The following TMEM232 variants were observed in gnomAD, a reference collection of about 807,000 sequenced individuals.
TMEM232 encodes transmembrane protein 232.
A neutral mutation model predicts 78.8 loss-of-function variants in TMEM232; 80 were observed. That is an observed-to-expected ratio of 1.01 (90% CI 0.85 to 1.22). The LOEUF is 1.22. TMEM232 is among the 50% of genes most tolerant of loss of function. The probability of loss-of-function intolerance (pLI) is 0.00; values close to 1 mark genes in which losing one functional copy is unlikely to be tolerated. For missense variants in TMEM232, 881 were observed against 742.2 expected (o/e 1.19, Z -2.17); for synonymous variants, 297 against 254.3 (o/e 1.17, Z -1.60).
At chr5:110,524,406 AG>A (rs1417482380) in intron 12 of TMEM232, among the ~76,000 whole-genome samples, 1 of 64,832 alleles carries the variant, frequency 1.5e-5, no homozygotes, top group African/African-American at 6.7e-5. Flanking sequence ...AAAGAAAGAA[AG>A]AAAGAAAGAA....
chr5:110,466,865 C>T (rs908640158), intron 12 of TMEM232, among the ~76,000 whole-genome samples: 1 of 151,342 alleles, frequency 6.6e-6, no homozygotes, highest in Non-Finnish European at 1.5e-5. Context: ...CCTGGCCAAG[C>T]ACAATACCTT....
chr5:110,732,249 T>C lies in TMEM232; in HGVS notation c.-13+2654A>G, dbSNP rs543973218. On this transcript the variant is annotated intron_variant, in intron 2 of 4. Transcript: ENST00000512886. The stretch of plus-strand genomic sequence containing the variant: ...CAAGTCTCTAAGAGGTTCCAAACTT[T>C]CCCATATTTTCCTGTCTTCTTCTGA... Among the ~76,000 whole-genome samples the C allele has an allele frequency of 2.6e-5, 4 of 152,318 alleles. No individual in the cohort carries two copies. In the East Asian group the frequency reaches 7.7e-4, roughly 29 times the overall value.
intron 2 of TMEM232, among the ~76,000 whole-genome samples, chr5:110,733,250 G>A (rs1208546239): frequency 6.6e-6 from 1 of 152,188 alleles, no homozygotes; most frequent in African/African-American, 2.4e-5. Context: ...GGGTGGGAGT[G>A]TAAATTAGTT....
intron 2 of TMEM232, among the ~76,000 whole-genome samples, chr5:110,400,753 A>G (rs6877527): frequency 0.28 from 42,850 of 151,924 alleles, 10,860 homozygotes; most frequent in African/African-American, 0.67. Flanking sequence ...TCAAGAATAA[A>G]CAGCTTCTAC....
chr5:110,392,859 A>T (rs1352704206), intron 3 of TMEM232, among the ~76,000 whole-genome samples: 1 of 152,150 alleles, frequency 6.6e-6, no homozygotes, highest in Non-Finnish European at 1.5e-5. Flanking sequence ...CTCTATTTGT[A>T]TGTCTATATC....
Position 110,578,611 on chromosome 5 carries a change from T to C in TMEM232, c.1277-9986A>G, listed in dbSNP as rs77688819. On this transcript the variant is annotated intron_variant, in intron 10 of 13. Coordinates refer to ENST00000455884, the MANE Select transcript of TMEM232 (RefSeq NM_001039763.4). ...TGTTATTTCTCCTCCTCTTCTTACC[T>C]AAATATTTCCTACTTCATCCCATTT... Among the ~76,000 whole-genome samples the C allele has an allele frequency of 2.6e-3, 402 of 152,054 alleles. 2 individuals are homozygous for C. The highest frequency in any genetic ancestry group is 4.3e-3 in the Non-Finnish European group (289 of 67,898).
chr5:110,483,507 C>A (rs1292798781), intron 12 of TMEM232, among the ~76,000 whole-genome samples: 2 of 151,854 alleles, frequency 1.3e-5, no homozygotes, highest in Non-Finnish European at 2.9e-5. Flanking sequence ...GGACAAAAAA[C>A]CAAACACCGC....
At chr5:110,714,435 G>C (rs886823706) in intron 1 of TMEM232, among the ~76,000 whole-genome samples, 8 of 152,104 alleles carry the variant, frequency 5.3e-5, no homozygotes, top group African/African-American at 1.7e-4. Context: ...CTGTGTAATA[G>C]AACTGTGCCT....
At chr5:110,655,791 T>G (rs998257382) in intron 2 of TMEM232, among the ~76,000 whole-genome samples, 3 of 150,758 alleles carry the variant, frequency 2.0e-5, no homozygotes, top group African/African-American at 7.3e-5. Context: ...TCATTCTCAG[T>G]AAACTATCGC....
intron 1 of TMEM232, among the ~76,000 whole-genome samples, chr5:110,701,529 C>T (rs568876491): frequency 1.3e-5 from 2 of 152,028 alleles, no homozygotes; most frequent in East Asian, 1.9e-4. Flanking sequence ...GATTCCCCAT[C>T]ATCCAGCAGT....
In TMEM232 at chr5:110,533,472, T is replaced by C. The variant is rs191201949; in HGVS notation, c.1456-4637A>G. 7.7e-3 allele frequency among the ~76,000 whole-genome samples: 1,171 copies of C among 152,312 alleles called. 11 individuals carry two copies. Among genetic ancestry groups the C allele is most frequent in the African/African-American group, 0.027 (1,116 of 41,570 alleles). On this transcript the variant is annotated intron_variant, in intron 11 of 13. Coordinates refer to ENST00000455884, the MANE Select transcript of TMEM232 (RefSeq NM_001039763.4). ...ACTTACTGTTTTAGCCTAGCCCTCA[T>C]GTCTGTGTGCAGCAGCTGCCGCTGC...
chr5:110,721,845 G>C (rs1424700636), intron 1 of TMEM232, among the ~76,000 whole-genome samples: 1 of 151,240 alleles, frequency 6.6e-6, no homozygotes, highest in Non-Finnish European at 1.5e-5. Context: ...CAGAATCCCA[G>C]GGTGGCTTAG....
In TMEM232 at chr5:110,598,101, C is replaced by T. The variant is rs578031548; in HGVS notation, c.1276+7008G>A. On this transcript the variant is annotated intron_variant, in intron 10 of 13. Coordinates refer to ENST00000455884, the MANE Select transcript of TMEM232 (RefSeq NM_001039763.4). ...AACCTACAAAATGGGAGAAAATTTTCGCAACCTACTCATCTGACAAAGGGC... is the reference window on the plus strand; with the variant it reads ...AACCTACAAAATGGGAGAAAATTTTTGCAACCTACTCATCTGACAAAGGGC... Among the ~76,000 whole-genome samples the T allele has an allele frequency of 3.1e-3, 477 of 152,134 alleles. 3 individuals are homozygous for T. Among genetic ancestry groups the T allele is most frequent in the African/African-American group, 0.011 (448 of 41,504 alleles).
chr5:110,716,326 T>C (rs1191685225), intron 1 of TMEM232, among the ~76,000 whole-genome samples: 2 of 152,122 alleles, frequency 1.3e-5, no homozygotes, highest in Non-Finnish European at 2.9e-5. Flanking sequence ...GTGCATTCCA[T>C]TTACGATGCA....
chr5:110,652,188 A>AATGTGC (rs1788406695), intron 2 of TMEM232, among the ~76,000 whole-genome samples: 1 of 152,092 alleles, frequency 6.6e-6, no homozygotes, highest in African/African-American at 2.4e-5. Flanking sequence ...ATAGTATAAT[A>AATGTGC]ATGTGCAATT....
intron 12 of TMEM232, among the ~76,000 whole-genome samples, chr5:110,452,314 T>C (rs777084775): frequency 3.3e-4 from 50 of 152,182 alleles, no homozygotes; most frequent in Non-Finnish European, 6.0e-4. Context: ...GTTAATCCGT[T>C]TCAGTGTTTT....
chr5:110,466,851 G>A (rs1299736609), intron 12 of TMEM232, among the ~76,000 whole-genome samples: 1 of 151,684 alleles, frequency 6.6e-6, no homozygotes, highest in African/African-American at 2.4e-5. Flanking sequence ...TCCTGACCTC[G>A]TGACCTGGCC....
intron 12 of TMEM232, among the ~76,000 whole-genome samples, chr5:110,480,972 ATTTTG>A (rs2149395407): frequency 6.6e-6 from 1 of 152,144 alleles, no homozygotes; most frequent in South Asian, 2.1e-4. Context: ...AATGTATACA[ATTTTG>A]TTTTCTGTAT....
intron 13 of TMEM232, among the ~76,000 whole-genome samples, chr5:110,422,570 T>C (rs1756783808): frequency 1.5e-5 from 2 of 136,006 alleles, no homozygotes; most frequent in Admixed American, 7.3e-5. Context: ...CAAAAGAGAA[T>C]TAATTCTTAA....
Sources: allele counts gnomAD v4.1 joint callset (sites outside exome capture counted in the v4.1 genomes callset), GRCh38; gene constraint gnomAD v4.1.1; transcripts MANE v1.5; gene names NCBI Gene and HGNC (gene_info 2026-07-23, HGNC 2026-07-21).